The following SPOCK1 variants were observed in gnomAD, a reference collection of about 807,000 sequenced individuals.
The protein encoded by SPOCK1 is SPARC (osteonectin), cwcv and kazal like domains proteoglycan 1, also known as testican-1.
In SPOCK1, 23 loss-of-function variants were observed where a neutral mutation model predicts 55.3. The observed-to-expected ratio is 0.42, with a 90% CI of 0.30 to 0.59. SPOCK1 has a LOEUF of 0.59. Among genes scored for constraint, SPOCK1 ranks in the 20% least tolerant of loss-of-function variants. The pLI is 0.22. For missense variants in SPOCK1, 499 were observed against 552.5 expected, an observed-to-expected ratio of 0.90 and a Z score of 0.97; for synonymous variants, 226 against 221.0, an observed-to-expected ratio of 1.02 and a Z score of -0.20.
At chr5:137,451,949 A>C (rs1179558014) in intron 2 of SPOCK1, among the ~76,000 whole-genome samples, 1 of 152,190 alleles carries the variant, frequency 6.6e-6, no homozygotes, top group Admixed American at 6.5e-5. Flanking sequence ...GTAGTGTTTT[A>C]GATTTTGGAT....
intron 3 of SPOCK1, among the ~76,000 whole-genome samples, chr5:137,159,457 T>C (rs1459865484): frequency 1.3e-5 from 2 of 152,128 alleles, no homozygotes; most frequent in African/African-American, 2.4e-5. Flanking sequence ...TGTAGTTTTT[T>C]ATCCTTCACC....
At chr5:137,061,664 T>A (rs1039313079) in intron 6 of SPOCK1, among the ~76,000 whole-genome samples, 2 of 151,918 alleles carry the variant, frequency 1.3e-5, no homozygotes, top group African/African-American at 4.8e-5. Flanking sequence ...GCCACATCCC[T>A]TCTGATCTAA....
intron 2 of SPOCK1, among the ~76,000 whole-genome samples, chr5:137,421,590 G>A (rs903727911): frequency 6.6e-6 from 1 of 152,178 alleles, no homozygotes; most frequent in African/African-American, 2.4e-5. Context: ...TTGGTTTGAA[G>A]TCTGTTTTAT....
At chr5:137,299,000 T>C (rs1051862567) in intron 2 of SPOCK1, among the ~76,000 whole-genome samples, 1 of 152,182 alleles carries the variant, frequency 6.6e-6, no homozygotes, top group Non-Finnish European at 1.5e-5. Flanking sequence ...TTGAGATGGT[T>C]GTATTCAGGT....
intron 2 of SPOCK1, among the ~76,000 whole-genome samples, chr5:137,289,957 A>G (rs1757337169): frequency 6.6e-6 from 1 of 152,228 alleles, no homozygotes. Context: ...GAGCATAAGA[A>G]AAGATGTGGA....
chr5:137,424,243 C>T (rs565510996), intron 2 of SPOCK1, among the ~76,000 whole-genome samples: 367 of 152,174 alleles, frequency 2.4e-3, no homozygotes, highest in African/African-American at 6.8e-3. Context: ...TAGCCAGGCA[C>T]GGTGGCATGC....
At chr5:137,287,679 T>C (rs1034842862) in intron 2 of SPOCK1, among the ~76,000 whole-genome samples, 19 of 152,330 alleles carry the variant, frequency 1.2e-4, no homozygotes, top group African/African-American at 4.6e-4. Flanking sequence ...AGCAAATTGC[T>C]CCCTGCAATT....
intron 2 of SPOCK1, among the ~76,000 whole-genome samples, chr5:137,433,778 T>C (rs1752799396): frequency 6.6e-6 from 1 of 152,178 alleles, no homozygotes; most frequent in African/African-American, 2.4e-5. Context: ...CCAGGACAAC[T>C]TGAACTCTGG....
At chr5:137,246,111 T>G (rs936500447) in intron 3 of SPOCK1, among the ~76,000 whole-genome samples, 7 of 152,222 alleles carry the variant, frequency 4.6e-5, no homozygotes, top group Admixed American at 2.0e-4. Context: ...CCCATCATTA[T>G]AGTCAACTCT....
chr5:137,329,321 T>A (rs912550645), intron 2 of SPOCK1, among the ~76,000 whole-genome samples: 1 of 152,030 alleles, frequency 6.6e-6, no homozygotes, highest in African/African-American at 2.4e-5. Context: ...GCTTGCTCAA[T>A]CTCCATAGTC....
chr5:137,420,196 G>T (rs1191782962), intron 2 of SPOCK1, among the ~76,000 whole-genome samples: 1 of 152,194 alleles, frequency 6.6e-6, no homozygotes, highest in Admixed American at 6.5e-5. Context: ...CATTCGGTTT[G>T]CCAGTATTTT....
At chr5:137,428,755 A>C (rs1358170565) in intron 2 of SPOCK1, among the ~76,000 whole-genome samples, 1 of 152,084 alleles carries the variant, frequency 6.6e-6, no homozygotes, top group Non-Finnish European at 1.5e-5. Context: ...GAATTATGGG[A>C]GTTGTCCTAA....
chr5:137,131,141 A>G (rs1753868154), intron 4 of SPOCK1, among the ~76,000 whole-genome samples: 1 of 152,234 alleles, frequency 6.6e-6, no homozygotes, highest in Non-Finnish European at 1.5e-5. Flanking sequence ...GGTTGGATTA[A>G]TCTGATATAA....
At chr5:137,472,189 G>A (rs1297498751) in intron 2 of SPOCK1, among the ~76,000 whole-genome samples, 1 of 152,120 alleles carries the variant, frequency 6.6e-6, no homozygotes, top group Non-Finnish European at 1.5e-5. Context: ...TGGACCTTAG[G>A]AACAGGGACA....
At chr5:137,305,333 T>C (rs1757683533) in intron 2 of SPOCK1, among the ~76,000 whole-genome samples, 2 of 152,372 alleles carry the variant, frequency 1.3e-5, no homozygotes, top group Non-Finnish European at 2.9e-5. Context: ...CCCGTGTCTC[T>C]TCTCCCTGCA....
chr5:137,376,181 AG>A (rs1285617697), intron 2 of SPOCK1, among the ~76,000 whole-genome samples: 1 of 152,222 alleles, frequency 6.6e-6, no homozygotes, highest in Non-Finnish European at 1.5e-5. Flanking sequence ...GGTAGGGCCT[AG>A]AATAAAAGCC....
intron 2 of SPOCK1, among the ~76,000 whole-genome samples, chr5:137,398,811 T>C (rs938519153): frequency 6.6e-6 from 1 of 152,204 alleles, no homozygotes; most frequent in Non-Finnish European, 1.5e-5. Context: ...ACAAGCTGCA[T>C]GAAAAATACT....
rs1304282425 is a variant in SPOCK1 at position 137,354,602 on chromosome 5, T to C, written c.187-87547A>G. On this transcript the variant is annotated intron_variant, in intron 2 of 10. Transcript: ENST00000394945. The stretch of plus-strand genomic sequence containing the variant: ...AGTTTTACACACCATAGGCTTTCTA[T>C]CAATATTTGCAGAACAGACTGTCTA... 2.0e-5 allele frequency among the ~76,000 whole-genome samples: 3 copies of C among 152,162 alleles called. No homozygotes were observed. In the East Asian group the frequency reaches 5.8e-4, roughly 29 times the overall value.
At chr5:137,427,766 G>A (rs961029008) in intron 2 of SPOCK1, among the ~76,000 whole-genome samples, 5 of 152,148 alleles carry the variant, frequency 3.3e-5, no homozygotes, top group East Asian at 1.9e-4. Context: ...AAAATTAGCC[G>A]GGTGCTGTGG....
Sources: allele counts gnomAD v4.1 joint callset (sites outside exome capture counted in the v4.1 genomes callset), GRCh38; gene constraint gnomAD v4.1.1; transcripts MANE v1.5; gene names NCBI Gene and HGNC (gene_info 2026-07-23, HGNC 2026-07-21).